CLIP1: variants seen among roughly 807,000 people sequenced by gnomAD.
CLIP1 encodes the protein CAP-Gly domain containing linker protein 1.
In CLIP1, 66 loss-of-function variants were observed where a neutral mutation model predicts 161.6. The observed-to-expected ratio is 0.41, with a 90% CI of 0.33 to 0.50. CLIP1 has a LOEUF of 0.50. Among genes scored for constraint, CLIP1 ranks in the 20% least tolerant of loss-of-function variants. The probability of loss-of-function intolerance (pLI) is 0.27; values close to 1 mark genes in which losing one functional copy is unlikely to be tolerated. For synonymous variants in CLIP1, 598 were observed against 626.2 expected (o/e 0.96, Z 0.67); for missense variants, 1,376 against 1,702.0 (o/e 0.81, Z 3.37).
chr12:122,339,740 T>C (rs904206868), intron 11 of CLIP1, among the ~76,000 whole-genome samples: 2 of 152,198 alleles, frequency 1.3e-5, no homozygotes, highest in African/African-American at 4.8e-5. Flanking sequence ...TTATGAGAAA[T>C]GCATCATTAG....
chr12:122,283,591 T>C (rs981905743), intron 21 of CLIP1, among the ~76,000 whole-genome samples: 9 of 151,854 alleles, frequency 5.9e-5, no homozygotes, highest in Non-Finnish European at 5.9e-5. Context: ...CCTGAGTAGC[T>C]GAGATTCCAG....
At chr12:122,278,689 G>C in intron 23 of CLIP1, 103 bp downstream of exon 23, 1 of 1,241,448 alleles carries the variant, frequency 8.1e-7, no homozygotes, top group African/African-American at 1.5e-5. Context: ...GAGAGTCAGG[G>C]TCAGGGCAGC....
chr12:122,403,494 G>GTTT (rs1036910823), intron 1 of CLIP1, among the ~76,000 whole-genome samples: 17 of 55,780 alleles, frequency 3.0e-4, no homozygotes, highest in Admixed American at 5.4e-4. Flanking sequence ...ATCATTTCTT[G>GTTT]TTTTGTTTTT....
intron 11 of CLIP1, among the ~76,000 whole-genome samples, chr12:122,339,047 C>T (rs562345237): frequency 5.9e-5 from 9 of 152,260 alleles, no homozygotes; most frequent in African/African-American, 2.2e-4. Context: ...AGCATCAATA[C>T]CAGTGCCTCA....
At chr12:122,312,497 C>T (rs1593039581) in intron 19 of CLIP1, among the ~76,000 whole-genome samples, 1 of 152,202 alleles carries the variant, frequency 6.6e-6, no homozygotes, top group Non-Finnish European at 1.5e-5. Context: ...AGCGTAGTGG[C>T]TCAAGCCTGT....
intron 17 of CLIP1, among the ~76,000 whole-genome samples, chr12:122,326,582 G>C (rs1038762166): frequency 6.6e-6 from 1 of 152,276 alleles, no homozygotes; most frequent in South Asian, 2.1e-4. Context: ...GGGAAGCTGA[G>C]GCAAGGGGAT....
At chr12:122,316,669 T>A (rs1951285800) in intron 19 of CLIP1, 80 bp downstream of exon 19, 2 of 890,574 alleles carry the variant, frequency 2.2e-6, no homozygotes, top group Non-Finnish European at 3.4e-6. Context: ...TCTCAAATAA[T>A]TTTTAAGTAA....
At chr12:122,309,063 T>G (rs1480101675) in intron 20 of CLIP1, among the ~76,000 whole-genome samples, 1 of 152,250 alleles carries the variant, frequency 6.6e-6, no homozygotes, top group Non-Finnish European at 1.5e-5. Context: ...GACTCACAAT[T>G]CAGCACTTTG....
rs528705768 is a variant in CLIP1, at chr12:122,293,069, G to A, written c.3595-4528C>T. Among the ~76,000 whole-genome samples the A allele has an allele frequency of 6.0e-5, 9 of 148,894 alleles. No individual in the cohort carries two copies. In the South Asian group the frequency reaches 1.5e-3, roughly 24 times the overall value. ...ATCCACAGATGGGGAGAAAACATTCGCAAAACACAACCCAATAAAGAACTT... is the reference window on the plus strand; with the variant it reads ...ATCCACAGATGGGGAGAAAACATTCACAAAACACAACCCAATAAAGAACTT... On this transcript the variant is annotated intron_variant, in intron 20 of 25. Coordinates refer to ENST00000620786, the MANE Select transcript of CLIP1 (RefSeq NM_001247997.2).
intron 5 of CLIP1, among the ~76,000 whole-genome samples, chr12:122,357,178 C>G (rs1953448509): frequency 6.6e-6 from 1 of 151,598 alleles, no homozygotes; most frequent in Non-Finnish European, 1.5e-5. Flanking sequence ...GCCGCCGTCC[C>G]ATCTAGGAAG....
Position 122,365,683 on chromosome 12 carries a change from A to AG in CLIP1, c.658-1577_658-1576insC, listed in dbSNP as rs1166325987. ...AAAGGACCTCTGGGCTATTTAAAAA[A>AG]AAAAAAAAAGAAAGAACTGCTCCTG... On this transcript the variant is annotated intron_variant, in intron 3 of 25. Transcript: ENST00000620786. The AG allele has an allele frequency of 4.4e-6, 3 of 677,050 alleles. No homozygotes were observed. The East Asian group carries it at 8.1e-5, about 18-fold the overall frequency. 41.9% of individuals were successfully genotyped at this position (677,050 alleles called of 1,614,324 possible). A position where few individuals can be genotyped will look rare whatever the true frequency, so the allele number is the denominator to read the frequency against.
intron 17 of CLIP1, 98 bp downstream of exon 17, chr12:122,327,849 A>T: frequency 9.0e-7 from 1 of 1,117,084 alleles, no homozygotes; most frequent in African/African-American, 1.5e-5. Flanking sequence ...AGGCCACCTT[A>T]ACTTTTCCCA....
At chr12:122,285,847 A>T (rs576253222) in intron 21 of CLIP1, among the ~76,000 whole-genome samples, 4 of 151,744 alleles carry the variant, frequency 2.6e-5, no homozygotes, top group African/African-American at 9.7e-5. Flanking sequence ...ATAACTCCTT[A>T]CATAAGGGTT....
intron 20 of CLIP1, among the ~76,000 whole-genome samples, chr12:122,295,351 C>T (rs570815709): frequency 6.6e-6 from 1 of 152,148 alleles, no homozygotes; most frequent in Non-Finnish European, 1.5e-5. Context: ...GCCTGGGGAA[C>T]AGAGTGAGAC....
At chr12:122,288,429 A>G in intron 21 of CLIP1, 60 bp downstream of exon 21, 3 of 1,421,904 alleles carry the variant, frequency 2.1e-6, no homozygotes, top group Non-Finnish European at 2.9e-6. Context: ...GTTACCACAC[A>G]TATCATGTTC....
intron 3 of CLIP1, among the ~76,000 whole-genome samples, chr12:122,375,135 T>C: frequency 6.6e-6 from 1 of 152,098 alleles, no homozygotes; most frequent in Non-Finnish European, 1.5e-5. Context: ...TAGTTTGTCT[T>C]CTTAGCACTA....
chr12:122,372,458 T>C (rs565602162), intron 3 of CLIP1, among the ~76,000 whole-genome samples: 30 of 150,978 alleles, frequency 2.0e-4, no homozygotes, highest in Non-Finnish European at 4.3e-4. Flanking sequence ...GGTGGGTGCC[T>C]GTAATCCCAG....
At chr12:122,402,545 G>A (rs1458743728) in intron 1 of CLIP1, among the ~76,000 whole-genome samples, 1 of 152,092 alleles carries the variant, frequency 6.6e-6, no homozygotes, top group Non-Finnish European at 1.5e-5. Flanking sequence ...GGAGACCGAA[G>A]CACATGGATC....
chr12:122,339,698 A>C (rs1294287554), intron 11 of CLIP1, among the ~76,000 whole-genome samples: 1 of 152,206 alleles, frequency 6.6e-6, no homozygotes, highest in Non-Finnish European at 1.5e-5. Flanking sequence ...ATAAGCAATT[A>C]CAGTCATGCA....
Sources: allele counts gnomAD v4.1 joint callset (sites outside exome capture counted in the v4.1 genomes callset), GRCh38; gene constraint gnomAD v4.1.1; transcripts MANE v1.5; gene names NCBI Gene and HGNC (gene_info 2026-07-23, HGNC 2026-07-21).